ASPH: variants seen among roughly 807,000 people sequenced by gnomAD.
The protein encoded by ASPH is aspartyl/asparaginyl beta-hydroxylase.
Under a neutral mutation model 118.4 loss-of-function variants are expected in ASPH, and 100 were observed. The ratio of observed to expected loss-of-function variants is 0.84; its 90% CI spans 0.72 to 1.00. The LOEUF (loss-of-function observed/expected upper bound fraction) is 1.00, where lower values mean the gene tolerates loss of function less well. Ranked by LOEUF, ASPH falls within the 50% of genes least tolerant of loss-of-function variation. The pLI, the probability that ASPH is intolerant of heterozygous loss-of-function variation, is 0.00. For synonymous variants in ASPH, 315 were observed against 325.6 expected (o/e 0.97, Z 0.35); for missense variants, 920 against 919.5 (o/e 1.00, Z -0.01).
In ASPH at chr8:61,646,768, G is replaced by C. The variant is rs1166606139; in HGVS notation, c.601C>G (p.Pro201Ala). 6.2e-7 allele frequency: 1 copy of C among 1,613,330 alleles called. No individual in the cohort carries two copies. Among genetic ancestry groups the C allele is most frequent in the East Asian group, 2.2e-5 (1 of 44,822 alleles). Residue 201 changes from proline (P) to alanine (A), a missense_variant, in exon 6 of 25, where the codon CCT (proline) becomes GCT (alanine). Physicochemically the swap from Pro to Ala is conservative, Grantham distance 27. Transcript: ENST00000379454. Reference sequence around the variant, plus strand: ...GTTCTACCTTCATGAGATACTTCAGGTTCCAGGGTCTCAAATCTATCATCT... The same window carrying C: ...GTTCTACCTTCATGAGATACTTCAGCTTCCAGGGTCTCAAATCTATCATCT... ...DVDDRFETLEPEVSHEETEHS... is the reference protein window; with the variant it reads ...DVDDRFETLEAEVSHEETEHS...
intron 3 of ASPH, among the ~76,000 whole-genome samples, chr8:61,667,457 C>T (rs1377162052): frequency 1.3e-5 from 2 of 152,106 alleles, no homozygotes; most frequent in Non-Finnish European, 2.9e-5. Context: ...ACCTCTGCCT[C>T]CCGGGTTCAA....
chr8:61,623,448 C>T (rs1331285418), intron 13 of ASPH, among the ~76,000 whole-genome samples: 1 of 151,944 alleles, frequency 6.6e-6, no homozygotes, highest in African/African-American at 2.4e-5. Flanking sequence ...ATTATTAATC[C>T]CTTGACAGAT....
Position 61,556,021 on chromosome 8 carries a change from AC to A in ASPH, c.1438del (p.Val480CysfsTer2). The A allele has an allele frequency of 6.2e-7, 1 of 1,613,296 alleles. No homozygotes were observed. The highest frequency in any genetic ancestry group is 8.5e-7 in the Non-Finnish European group (1 of 1,179,594). ...GCCATCATTAGGTGTCACACTCAGCACCTAAACTCAAAGAAAACACAGAACA... is the reference window on the plus strand; with the variant it reads ...GCCATCATTAGGTGTCACACTCAGCACTAAACTCAAAGAAAACACAGAACA... ...NDNAKKVYEE[V>X]LSVTPNDGFA... On this transcript the variant is annotated frameshift_variant and splice_region_variant, in exon 19 of 25. Transcript: ENST00000379454. LOFTEE classifies it high-confidence loss of function.
intron 13 of ASPH, among the ~76,000 whole-genome samples, chr8:61,631,057 C>T (rs1030269611): frequency 6.6e-6 from 1 of 151,976 alleles, no homozygotes; most frequent in African/African-American, 2.4e-5. Flanking sequence ...AATAAAAATG[C>T]TTATAAAATA....
intron 10 of ASPH, among the ~76,000 whole-genome samples, chr8:61,639,945 T>A (rs1366757266): frequency 6.6e-6 from 1 of 152,202 alleles, no homozygotes; most frequent in African/African-American, 2.4e-5. Context: ...CACCCATGCA[T>A]GAAGACCTGC....
At chr8:61,532,979 G>A (rs1387231977) in intron 21 of ASPH, among the ~76,000 whole-genome samples, 5 of 152,080 alleles carry the variant, frequency 3.3e-5, no homozygotes, top group Non-Finnish European at 7.4e-5. Context: ...CCTGTTTCTT[G>A]AAATTTCATG....
At chr8:61,685,083 C>G (rs1401831648) in intron 1 of ASPH, among the ~76,000 whole-genome samples, 2 of 152,054 alleles carry the variant, frequency 1.3e-5, no homozygotes, top group Non-Finnish European at 2.9e-5. Flanking sequence ...CAGGTAGAGT[C>G]GCCATCAAAG....
At chr8:61,550,660 C>T (rs1437297086) in intron 20 of ASPH, among the ~76,000 whole-genome samples, 1 of 152,142 alleles carries the variant, frequency 6.6e-6, no homozygotes, top group African/African-American at 2.4e-5. Flanking sequence ...GAGCTGGCTG[C>T]AACTTGCCTA....
intron 24 of ASPH, among the ~76,000 whole-genome samples, chr8:61,509,900 T>C (rs1245954299): frequency 6.6e-6 from 1 of 152,046 alleles, no homozygotes; most frequent in Non-Finnish European, 1.5e-5. Flanking sequence ...GTACCATTCC[T>C]TCACCTGCCC....
intron 22 of ASPH, among the ~76,000 whole-genome samples, chr8:61,524,899 G>A (rs962835215): frequency 6.6e-6 from 1 of 152,046 alleles, no homozygotes; most frequent in Non-Finnish European, 1.5e-5. Context: ...ACACATAAGT[G>A]CCAATAGAAT....
At chr8:61,611,072 A>G (rs1847186284) in intron 14 of ASPH, among the ~76,000 whole-genome samples, 1 of 152,206 alleles carries the variant, frequency 6.6e-6, no homozygotes, top group Admixed American at 6.5e-5. Context: ...CCAAGCTCAC[A>G]AGCCAAAGCA....
At chr8:61,561,136 GAGGA>G (rs1281594164) in intron 18 of ASPH, among the ~76,000 whole-genome samples, 2 of 82,884 alleles carry the variant, frequency 2.4e-5, no homozygotes, top group African/African-American at 1.7e-4. Flanking sequence ...GGGAGGGAGG[GAGGA>G]AGGAAGTTAG....
At position 61,596,192 on chromosome 8, in the gene ASPH, C is replaced by T. The variant is rs115389714; in HGVS notation, c.977-12163G>A. Among the ~76,000 whole-genome samples, 655 of 152,264 alleles carry T rather than the reference C, an allele frequency of 4.3e-3. 6 individuals carry two copies. The highest frequency in any genetic ancestry group is 0.015 in the African/African-American group (603 of 41,550). On this transcript the variant is annotated intron_variant, in intron 14 of 24. Transcript: ENST00000379454. ...CATGTTCCAGGGGCCTAGGGATTGA[C>T]CCACCCCATCTGCCACCACTGGCAC...
intron 3 of ASPH, chr8:61,676,337 AAG>A (rs771379416): frequency 4.5e-6 from 7 of 1,561,844 alleles, no homozygotes; most frequent in South Asian, 3.5e-5. Flanking sequence ...AGAATAAAGG[AAG>A]AGAGAGAGAA....
In ASPH at chr8:61,604,874, A is replaced by T. The variant is rs144223151; in HGVS notation, c.976+14104T>A. Among the ~76,000 whole-genome samples the T allele has an allele frequency of 1.3e-3, 199 of 152,362 alleles. 1 individual carries two copies. Among genetic ancestry groups the T allele is most frequent in the African/African-American group, 4.5e-3 (187 of 41,590 alleles). On this transcript the variant is annotated intron_variant, in intron 14 of 24. Transcript: ENST00000379454. The stretch of plus-strand genomic sequence containing the variant: ...GCAGGAACTTGCTTCTTTGCTGAAT[A>T]CATTACTTTTTCCCAGCAATTTAAA...
chr8:61,604,732 G>C (rs1220331043), intron 14 of ASPH, among the ~76,000 whole-genome samples: 1 of 152,140 alleles, frequency 6.6e-6, no homozygotes, highest in Non-Finnish European at 1.5e-5. Context: ...TTTTAAACTT[G>C]CACACTGGGA....
chr8:61,512,170 T>C (rs1809108435), intron 24 of ASPH, among the ~76,000 whole-genome samples: 1 of 152,136 alleles, frequency 6.6e-6, no homozygotes, highest in South Asian at 2.1e-4. Flanking sequence ...ACTAATATTG[T>C]AGTGGGCTGA....
In ASPH at chr8:61,518,122, T is replaced by C. The variant is rs1811563613; in HGVS notation, c.1902A>G (p.Gly634=). ...CTTTGCAGGCATTTTCATTTCTTCT[T>C]CCTAGAATAAATAACATAATTGTTG... is the stretch of plus-strand genomic sequence containing the variant. ...DWSQFTLWQQ[G]RRNENACKGA... is the part of the protein sequence containing the mutation. The change falls in exon 23 of 25, where the codon GGA becomes GGG. Residue 634 remains glycine (G), a splice_region_variant and synonymous_variant. Transcript: ENST00000379454. The C allele has an allele frequency of 6.2e-7, 1 of 1,611,396 alleles. No homozygotes were observed. Among genetic ancestry groups the C allele is most frequent in the Non-Finnish European group, 8.5e-7 (1 of 1,177,822 alleles).
In ASPH at chr8:61,600,594, T is replaced by C. The variant is rs139516480; in HGVS notation, c.977-16565A>G. 9.9e-5 allele frequency among the ~76,000 whole-genome samples: 15 copies of C among 150,852 alleles called. No homozygotes were observed. In the East Asian group the frequency reaches 2.3e-3, roughly 23 times the overall value. On this transcript the variant is annotated intron_variant, in intron 14 of 24. Coordinates refer to ENST00000379454, the MANE Select transcript of ASPH (RefSeq NM_004318.4). ...TTTCTATACACCATAGCAAACAAGC[T>C]GAAAAGAAATCAAGAAAGTAATCCT...
Sources: allele counts gnomAD v4.1 joint callset (sites outside exome capture counted in the v4.1 genomes callset), GRCh38; gene constraint gnomAD v4.1.1; transcripts MANE v1.5; gene names NCBI Gene and HGNC (gene_info 2026-07-23, HGNC 2026-07-21).